KALRN: variants seen among roughly 807,000 people sequenced by gnomAD.
KALRN encodes kalirin RhoGEF kinase.
KALRN carries 70 observed loss-of-function variants against 353.7 expected under a neutral mutation model. That is an observed-to-expected ratio of 0.20 (90% CI 0.16 to 0.24). The LOEUF is 0.24. KALRN is among the 10% of genes least tolerant of loss of function. The pLI is 1.00. For synonymous variants in KALRN, 1,391 were observed against 1,434.8 expected (o/e 0.97, Z 0.69); for missense variants, 2,791 against 3,756.7 (o/e 0.74, Z 6.72).
Position 124,439,188 on chromosome 3 carries a change from T to TCACACACACACA in KALRN, c.3198+152_3198+153insACACACACACAC, listed in dbSNP as rs1491329331. ...TTCTCCTCCTCCTCCTTCTTCTCCTTCTCTCTCTCTCTCACACACACACAC... is the reference window on the plus strand; with the variant it reads ...TTCTCCTCCTCCTCCTTCTTCTCCTTCACACACACACACTCTCTCTCTCTCACACACACACAC... On this transcript the variant is annotated intron_variant, in intron 18 of 59. Coordinates refer to ENST00000682506, the MANE Select transcript of KALRN (RefSeq NM_001388419.1). 288 of 363,294 alleles carry TCACACACACACA rather than the reference T, an allele frequency of 7.9e-4. 5 individuals carry two copies. The highest frequency in any genetic ancestry group is 5.2e-3 in the East Asian group (88 of 16,942). The allele number at this position is 363,294 out of a possible 1,614,324, so 22.5% of individuals were successfully genotyped here.
chr3:124,643,646 T>C (rs35919599), intron 37 of KALRN, among the ~76,000 whole-genome samples: 1 of 152,108 alleles, frequency 6.6e-6, no homozygotes, highest in African/African-American at 2.4e-5. Context: ...CATGCCTGGC[T>C]GATTTTTAAA....
chr3:124,664,372 C>CGT (rs1159205234), intron 45 of KALRN, among the ~76,000 whole-genome samples: 26 of 109,594 alleles, frequency 2.4e-4, no homozygotes, highest in South Asian at 1.8e-3. Context: ...TGTGTGTGTG[C>CGT]GCGCGCGCGC....
In KALRN at chr3:124,605,138, G is replaced by T. The variant is rs1049284564; in HGVS notation, c.5183-27282G>T. ...AGATCACGCTATTGCACTGCACAGG[G>T]TCTCACTCTGTTGCCCAGGCTGGTC... On this transcript the variant is annotated intron_variant, in intron 34 of 59. Transcript: ENST00000682506. 3.9e-5 allele frequency among the ~76,000 whole-genome samples: 6 copies of T among 152,010 alleles called. No homozygotes were observed. In the East Asian group the frequency reaches 7.8e-4, roughly 20 times the overall value.
chr3:124,637,625 A>G (rs1357951108), intron 37 of KALRN, among the ~76,000 whole-genome samples: 2 of 152,232 alleles, frequency 1.3e-5, no homozygotes, highest in East Asian at 3.8e-4. Flanking sequence ...GTATTTGGTT[A>G]GCCCAGAAGC....
At chr3:124,111,263 C>T (rs534254278) in intron 1 of KALRN, among the ~76,000 whole-genome samples, 9 of 152,168 alleles carry the variant, frequency 5.9e-5, no homozygotes, top group East Asian at 1.9e-4. Flanking sequence ...CATGCAGAAC[C>T]GATAACAACT....
chr3:124,495,458 G>A (rs749254018), intron 32 of KALRN, among the ~76,000 whole-genome samples: 7 of 152,022 alleles, frequency 4.6e-5, no homozygotes, highest in Non-Finnish European at 8.8e-5. Flanking sequence ...AATCTTGGCC[G>A]GGTGCAGTGG....
chr3:124,154,476 CAG>C (rs1395461949), intron 1 of KALRN, among the ~76,000 whole-genome samples: 4 of 152,124 alleles, frequency 2.6e-5, no homozygotes, highest in African/African-American at 7.2e-5. Flanking sequence ...AACAGACAAA[CAG>C]AGAGCCAAAT....
intron 11 of KALRN, among the ~76,000 whole-genome samples, chr3:124,388,757 G>A (rs1357433489): frequency 6.6e-6 from 1 of 152,078 alleles, no homozygotes; most frequent in Admixed American, 6.6e-5. Context: ...AGGCAAAAAT[G>A]GATTATTAGA....
intron 28 of KALRN, among the ~76,000 whole-genome samples, chr3:124,487,866 G>A (rs2062730190): frequency 6.6e-6 from 1 of 152,060 alleles, no homozygotes; most frequent in Admixed American, 6.5e-5. Flanking sequence ...ATACAATACT[G>A]CACCTCTGTT....
chr3:124,275,103 A>G (rs891045840), intron 5 of KALRN, among the ~76,000 whole-genome samples: 2 of 152,150 alleles, frequency 1.3e-5, no homozygotes, highest in Admixed American at 1.3e-4. Context: ...TCCACACTGC[A>G]CTGTTCTCAT....
intron 1 of KALRN, among the ~76,000 whole-genome samples, chr3:124,209,788 AC>A (rs1472891989): frequency 1.3e-5 from 2 of 152,262 alleles, no homozygotes; most frequent in Non-Finnish European, 2.9e-5. Flanking sequence ...TGGCTATGCC[AC>A]CTTGGGCAAA....
At chr3:124,356,335 C>CT (rs34741107) in intron 10 of KALRN, among the ~76,000 whole-genome samples, 1 of 120,202 alleles carries the variant, frequency 8.3e-6, no homozygotes, top group African/African-American at 3.1e-5. Context: ...TTTTCTTTTT[C>CT]TTTTTTTTTT....
chr3:124,653,268 A>T (rs2083619085), intron 38 of KALRN, among the ~76,000 whole-genome samples: 1 of 152,192 alleles, frequency 6.6e-6, no homozygotes, highest in Non-Finnish European at 1.5e-5. Context: ...TGGAGAAAAG[A>T]TGAACACAAA....
At chr3:124,355,371 G>T (rs1422720185) in intron 10 of KALRN, among the ~76,000 whole-genome samples, 3 of 152,128 alleles carry the variant, frequency 2.0e-5, no homozygotes, top group South Asian at 2.1e-4. Context: ...TTTTTAAAAA[G>T]ATATTGACAA....
chr3:124,397,427 C>A (rs2090302570), intron 12 of KALRN, among the ~76,000 whole-genome samples: 1 of 152,182 alleles, frequency 6.6e-6, no homozygotes, highest in South Asian at 2.1e-4. Context: ...GCTTCTGAGA[C>A]AAACACAGGC....
chr3:124,237,497 G>A (rs1400552058), intron 3 of KALRN, among the ~76,000 whole-genome samples: 1 of 151,602 alleles, frequency 6.6e-6, no homozygotes, highest in Admixed American at 6.6e-5. Context: ...CAAGTAGCCG[G>A]GATTACAGGC....
At chr3:124,297,077 C>A (rs1404668380) in intron 5 of KALRN, among the ~76,000 whole-genome samples, 1 of 152,192 alleles carries the variant, frequency 6.6e-6, no homozygotes, top group African/African-American at 2.4e-5. Context: ...GCCTTTAAGC[C>A]ACTAATACTC....
rs191746171 is a variant in KALRN, at chr3:124,284,531, G to T, written c.970-14260G>T. On this transcript the variant is annotated intron_variant, in intron 5 of 59. Coordinates refer to ENST00000682506, the MANE Select transcript of KALRN (RefSeq NM_001388419.1). ...CTATCTCTGCCAAGTTGGACCAAGT[G>T]CTCCTCTACTGTCAGCCCACAGTAT... Among the ~76,000 whole-genome samples, 42 of 152,192 alleles carry T rather than the reference G, an allele frequency of 2.8e-4. No homozygotes were observed. In the East Asian group the frequency reaches 7.3e-3, roughly 27 times the overall value.
intron 2 of KALRN, 112 bp from the exon 3 acceptor site, chr3:124,234,716 TG>T: frequency 1.3e-6 from 1 of 772,034 alleles, no homozygotes; most frequent in Non-Finnish European, 2.2e-6. Context: ...CAGATTTCTC[TG>T]GATACCCTAT....
Sources: allele counts gnomAD v4.1 joint callset (sites outside exome capture counted in the v4.1 genomes callset), GRCh38; gene constraint gnomAD v4.1.1; transcripts MANE v1.5; gene names NCBI Gene and HGNC (gene_info 2026-07-23, HGNC 2026-07-21).